The following ITSN2 variants were observed in gnomAD, a reference collection of about 807,000 sequenced individuals.
ITSN2 encodes the protein intersectin-2.
ITSN2 carries 156 observed loss-of-function variants against 243.7 expected under a neutral mutation model. The observed-to-expected ratio is 0.64, with a 90% confidence interval of 0.56 to 0.73. ITSN2 has a LOEUF of 0.73. Among genes scored for constraint, ITSN2 ranks in the 30% least tolerant of loss-of-function variants. The probability of loss-of-function intolerance (pLI) is 0.00; values close to 1 mark genes in which losing one functional copy is unlikely to be tolerated. For synonymous variants in ITSN2, 703 were observed against 699.9 expected (o/e 1.00, Z -0.07); for missense variants, 1,801 against 1,996.1 (o/e 0.90, Z 1.86).
At chr2:24,356,903 C>CAAAA (rs148234669) in intron 1 of ITSN2, among the ~76,000 whole-genome samples, 7 of 120,452 alleles carry the variant, frequency 5.8e-5, no homozygotes, top group Non-Finnish European at 3.5e-5. Context: ...GACTCCGTCT[C>CAAAA]AAAAAAAAAA....
At chr2:24,291,061 T>A (rs1172821700) in intron 15 of ITSN2, among the ~76,000 whole-genome samples, 1 of 152,214 alleles carries the variant, frequency 6.6e-6, no homozygotes, top group African/African-American at 2.4e-5. Flanking sequence ...AGTATTGATG[T>A]ATAGTATAGT....
chr2:24,263,683 T>C (rs1676213115), intron 20 of ITSN2, among the ~76,000 whole-genome samples: 1 of 152,250 alleles, frequency 6.6e-6, no homozygotes, highest in African/African-American at 2.4e-5. Context: ...ATACTATATG[T>C]ATCCTTTTTG....
In ITSN2 at chr2:24,271,449, A is replaced by G. The variant is rs991908760; in HGVS notation, c.2257+317T>C. Reference sequence around the variant, plus strand: ...AATTTTACTGTTGTTTCATTAAAATAAATAGCTTAGTTATAGTGGTTGAAT... The same window carrying G: ...AATTTTACTGTTGTTTCATTAAAATGAATAGCTTAGTTATAGTGGTTGAAT... On this transcript the variant is annotated intron_variant, in intron 19 of 39. Coordinates refer to ENST00000355123, the MANE Select transcript of ITSN2 (RefSeq NM_006277.3). Among the ~76,000 whole-genome samples the G allele has an allele frequency of 3.9e-5, 6 of 152,202 alleles. No homozygotes were observed. In the South Asian group the frequency reaches 1.2e-3, roughly 31 times the overall value.
intron 38 of ITSN2, 116 bp downstream of exon 38, chr2:24,205,096 AAG>A: frequency 1.3e-6 from 1 of 762,584 alleles, no homozygotes; most frequent in Non-Finnish European, 2.3e-6. Flanking sequence ...GCAGTGAGCC[AAG>A]ATCGTGCCAC....
Position 24,216,232 on chromosome 2 carries a change from C to T in ITSN2, c.3807G>A (p.Lys1269=). The change falls in exon 32 of 40, where the codon AAG becomes AAA. Residue 1269 remains lysine (K), a splice_region_variant and synonymous_variant. Transcript: ENST00000355123. ...CGGTCTTCTTCCGCACCCGCAAAGCCCTGCCAAGAACACACTCTCATTTTG... is the reference window on the plus strand; with the variant it reads ...CGGTCTTCTTCCGCACCCGCAAAGCTCTGCCAAGAACACACTCTCATTTTG... The part of the protein sequence containing the change: ...ELIMSNTKLL[K]ALRVRKKTGG... 1 of 1,593,970 alleles carries T rather than the reference C, an allele frequency of 6.3e-7. No individual in the cohort carries two copies.
chr2:24,328,869 T>C (rs557367696), intron 1 of ITSN2, among the ~76,000 whole-genome samples: 14 of 152,240 alleles, frequency 9.2e-5, no homozygotes, highest in Admixed American at 2.6e-4. Context: ...CTAAAAGTAA[T>C]TATTAAAACA....
chr2:24,248,642 T>A lies in ITSN2; in HGVS notation c.3275A>T (p.Gln1092Leu). The A allele has an allele frequency of 6.2e-7, 1 of 1,607,562 alleles. No individual in the cohort carries two copies. Among genetic ancestry groups the A allele is most frequent in the Non-Finnish European group, 8.5e-7 (1 of 1,175,522 alleles). The change falls in exon 27 of 40, where the codon CAA (glutamine) becomes CTA (leucine). Residue 1092 changes from glutamine to leucine, a missense_variant. Transcript: ENST00000355123. Reference protein sequence around the residue: ...ILKKNTSGWWQGELQARGKKR... With the variant: ...ILKKNTSGWWLGELQARGKKR... ...AAAGAATATTACCTGTAACTCTCCT[T>A]GCCACCACCCACTTGTATTTTTCTT...
intron 20 of ITSN2, among the ~76,000 whole-genome samples, chr2:24,262,929 A>G (rs1294751043): frequency 1.3e-5 from 2 of 151,960 alleles, no homozygotes; most frequent in African/African-American, 4.8e-5. Flanking sequence ...CCACATCCAA[A>G]CTACTGAATT....
intron 29 of ITSN2, among the ~76,000 whole-genome samples, chr2:24,235,659 A>T (rs952555145): frequency 7.9e-5 from 12 of 152,214 alleles, no homozygotes; most frequent in East Asian, 1.9e-4. Flanking sequence ...GAAGTCTTTT[A>T]AAAAAGTGAT....
rs537945691 is a variant in ITSN2 at position 24,305,576 on chromosome 2, CAAAAAAAAAAAAA to C, written c.794-1727_794-1715del. ...TGGGCAACAGAGCAAGACTCTGTCT[CAAAAAAAAAAAAA>C]AAAAAAAAAAAAGGATCACCAACTC... On this transcript the variant is annotated intron_variant, in intron 8 of 39. Transcript: ENST00000355123. Among the ~76,000 whole-genome samples the C allele has an allele frequency of 6.9e-3, 281 of 40,912 alleles. 1 individual carries two copies. Among genetic ancestry groups the C allele is most frequent in the African/African-American group, 0.015 (263 of 17,838 alleles). The allele number at this position is 40,912 out of a possible 152,430, so 26.8% of individuals were successfully genotyped here. A position where few individuals can be genotyped will look rare whatever the true frequency, so the allele number is the denominator to read the frequency against.
At chr2:24,334,488 C>T (rs1248262300) in intron 1 of ITSN2, 4 of 674,354 alleles carry the variant, frequency 5.9e-6, no homozygotes, top group East Asian at 3.2e-5. Context: ...AATTACTTTC[C>T]GTGCCAATAG....
chr2:24,252,467 A>C lies in ITSN2; in HGVS notation c.2998T>G (p.Leu1000Val). 1 of 1,612,834 alleles carries C rather than the reference A, an allele frequency of 6.2e-7. No individual in the cohort carries two copies. Among genetic ancestry groups the C allele is most frequent in the South Asian group, 1.1e-5 (1 of 91,036 alleles). Reference sequence around the variant, plus strand: ...ATTTCTTCACCTTCTGTGAAAGTCAAATCTCCAGGTTCCACACTTGAATAT... The same window carrying C: ...ATTTCTTCACCTTCTGTGAAAGTCACATCTCCAGGTTCCACACTTGAATAT... ...YPYSSVEPGD[L>V]TFTEGEEILV... The change falls in exon 25 of 40, where the codon TTG (leucine) becomes GTG (valine). Residue 1000 changes from leucine to valine, a missense_variant. Transcript: ENST00000355123.
At chr2:24,271,679 T>C in intron 19 of ITSN2, 87 bp downstream of exon 19, 1 of 1,412,202 alleles carries the variant, frequency 7.1e-7, no homozygotes, top group Non-Finnish European at 9.3e-7. Flanking sequence ...AGTATCTTTC[T>C]AATTTTCTTC....
At position 24,204,672 on chromosome 2, in the gene ITSN2, G is replaced by C; in HGVS notation, c.4763-254C>G. 1.6e-6 allele frequency: 1 copy of C among 607,782 alleles called. No individual in the cohort carries two copies. The highest frequency in any genetic ancestry group is 3.1e-6 in the Non-Finnish European group (1 of 324,704). 37.6% of individuals were successfully genotyped at this position (607,782 alleles called of 1,614,324 possible). A position where few individuals can be genotyped will look rare whatever the true frequency, so the allele number is the denominator to read the frequency against. The stretch of plus-strand genomic sequence containing the variant: ...GACCACTCCGCACGGAACAATCCTG[G>C]GTGAGTGTCACTGCAACCTGCTGCA... On this transcript the variant is annotated intron_variant, in intron 38 of 39. Coordinates refer to ENST00000355123, the MANE Select transcript of ITSN2 (RefSeq NM_006277.3). The surrounding 1 kb of genome is among the most constrained non-coding windows in gnomAD (Gnocchi z 5.1).
rs775911766 is a variant in ITSN2 at position 24,298,787 on chromosome 2, G to A, written c.1372C>T (p.Arg458Cys). Residue 458 changes from arginine (R) to cysteine (C), a missense_variant, in exon 13 of 40, where the codon CGT becomes TGT. Physicochemically the swap from Arg to Cys is radical, Grantham distance 180. Coordinates refer to ENST00000355123, the MANE Select transcript of ITSN2 (RefSeq NM_006277.3). ...CGAATTCTCTCCCATTCTAAGCGAC[G>A]TTGTCGTTCAAGTTCCTGTTTTGCT... ...EAAKQELERQ[R>C]RLEWERIRRQ... The A allele has an allele frequency of 1.1e-5, 17 of 1,601,182 alleles. No homozygotes were observed. The highest frequency in any genetic ancestry group is 1.7e-4 in the Middle Eastern group (1 of 6,026).
At chr2:24,262,937 A>T (rs951854376) in intron 20 of ITSN2, among the ~76,000 whole-genome samples, 1 of 152,040 alleles carries the variant, frequency 6.6e-6, no homozygotes, top group Non-Finnish European at 1.5e-5. Context: ...AAACTACTGA[A>T]TTTGTCATTA....
At chr2:24,232,647 A>G (rs1309202730) in intron 29 of ITSN2, among the ~76,000 whole-genome samples, 6 of 152,220 alleles carry the variant, frequency 3.9e-5, no homozygotes, top group Middle Eastern at 3.2e-3. Context: ...TGATTTTCAA[A>G]CCCTGATCAA....
chr2:24,283,155 TC>T (rs1293751180), intron 17 of ITSN2, among the ~76,000 whole-genome samples: 1 of 152,104 alleles, frequency 6.6e-6, no homozygotes, highest in East Asian at 1.9e-4. Flanking sequence ...TGCTTATCAC[TC>T]AAGTGAAATG....
At position 24,252,522 on chromosome 2, in the gene ITSN2, C is replaced by CA. The variant is rs773693158; in HGVS notation, c.2954-12dup. 1 of 1,584,168 alleles carries CA rather than the reference C, an allele frequency of 6.3e-7. No homozygotes were observed. On this transcript the variant is annotated splice_polypyrimidine_tract_variant and intron_variant, in intron 24 of 39. Coordinates refer to ENST00000355123, the MANE Select transcript of ITSN2 (RefSeq NM_006277.3). ...AAAGTGCAATATATTCTGTAGGGAA[C>CA]AAAGCAAAAAGAAGTAGATTCTGGT...
Sources: gnomAD v4.1 joint callset for allele counts (sites outside exome capture counted in the v4.1 genomes callset) on GRCh38, gnomAD v4.1.1 for gene constraint, Gnocchi (gnomAD v3.1) non-coding constraint, MANE v1.5 for transcripts, NCBI Gene and HGNC (gene_info 2026-07-23, HGNC 2026-07-21) for gene names.